PGCKA1: variants seen among roughly 807,000 people sequenced by gnomAD.
PGCKA1 encodes PDCD10 and GCKIII kinases associated 1, also known as PDCD10 and GCKIII kinases-associated protein 1.
chr4:37,456,538 A>C, the PGCKA1 span, among the ~76,000 whole-genome samples: 4 of 152,246 alleles, frequency 2.6e-5, no homozygotes, highest in Non-Finnish European at 5.9e-5. Flanking sequence ...AACAAATGAC[A>C]AAAGGAATAT....
the PGCKA1 span, among the ~76,000 whole-genome samples, chr4:37,548,389 A>C: frequency 1.3e-5 from 2 of 152,190 alleles, no homozygotes; most frequent in Non-Finnish European, 2.9e-5. Flanking sequence ...CAAGTTTTAA[A>C]ATGTTAATTG....
the PGCKA1 span, among the ~76,000 whole-genome samples, chr4:37,500,683 T>C: frequency 6.6e-6 from 1 of 152,242 alleles, no homozygotes; most frequent in Admixed American, 6.5e-5. Context: ...TTGTTAATTT[T>C]CTGCCTTGAT....
the PGCKA1 span, among the ~76,000 whole-genome samples, chr4:37,536,964 C>T: frequency 6.6e-6 from 1 of 152,156 alleles, no homozygotes; most frequent in Non-Finnish European, 1.5e-5. Context: ...CATGGCTGGC[C>T]AGCTTTGGGG....
the PGCKA1 span, among the ~76,000 whole-genome samples, chr4:37,537,998 G>A: frequency 2.6e-5 from 4 of 151,818 alleles, no homozygotes; most frequent in Admixed American, 1.3e-4. Context: ...CATCTTCACC[G>A]TCATCACCAT....
the PGCKA1 span, among the ~76,000 whole-genome samples, chr4:37,509,489 G>A: frequency 0.5 from 71,152 of 141,872 alleles, 18,383 homozygotes; most frequent in African/African-American, 0.59. Flanking sequence ...GATGGCAGCC[G>A]GGAAGAGGCG....
At chr4:37,583,564 G>C in the PGCKA1 span, among the ~76,000 whole-genome samples, 1 of 152,074 alleles carries the variant, frequency 6.6e-6, no homozygotes, top group African/African-American at 2.4e-5. Flanking sequence ...AGCCTCCCGA[G>C]TAGCTGGGAC....
At chr4:37,495,907 GTTGT>G in the PGCKA1 span, among the ~76,000 whole-genome samples, 1 of 152,090 alleles carries the variant, frequency 6.6e-6, no homozygotes, top group Admixed American at 6.6e-5. Flanking sequence ...TTTTAATGGG[GTTGT>G]TTATTTTTCT....
At chr4:37,465,110 C>T in the PGCKA1 span, among the ~76,000 whole-genome samples, 6 of 152,078 alleles carry the variant, frequency 3.9e-5, no homozygotes, top group African/African-American at 1.4e-4. Flanking sequence ...CGTGGCCTCA[C>T]TTTTCATATT....
At chr4:37,541,252 T>C in the PGCKA1 span, among the ~76,000 whole-genome samples, 1 of 152,016 alleles carries the variant, frequency 6.6e-6, no homozygotes, top group Non-Finnish European at 1.5e-5. Flanking sequence ...CCACAAACCT[T>C]CCCTTCCTCC....
chr4:37,525,054 A>G, the PGCKA1 span, among the ~76,000 whole-genome samples: 2 of 152,222 alleles, frequency 1.3e-5, no homozygotes, highest in African/African-American at 4.8e-5. Context: ...CTAAAACTGA[A>G]AATTAGAGAC....
At chr4:37,541,879 A>G in the PGCKA1 span, among the ~76,000 whole-genome samples, 1 of 152,304 alleles carries the variant, frequency 6.6e-6, no homozygotes, top group African/African-American at 2.4e-5. Flanking sequence ...GGGCCTACAT[A>G]CAGAGGAGAG....
At chr4:37,575,726 T>C in the PGCKA1 span, among the ~76,000 whole-genome samples, 2 of 152,128 alleles carry the variant, frequency 1.3e-5, no homozygotes, top group African/African-American at 4.8e-5. Context: ...AGTTTCATAG[T>C]GTGAGGTCTT....
At chr4:37,536,896 A>T in the PGCKA1 span, among the ~76,000 whole-genome samples, 1 of 152,248 alleles carries the variant, frequency 6.6e-6, no homozygotes, top group Non-Finnish European at 1.5e-5. Flanking sequence ...AGGGGACGAC[A>T]ACTTAACTGA....
chr4:37,528,178 G>T, the PGCKA1 span, among the ~76,000 whole-genome samples: 1 of 152,280 alleles, frequency 6.6e-6, no homozygotes, highest in African/African-American at 2.4e-5. Flanking sequence ...TTTTTATTCT[G>T]AGTACTGCTT....
chr4:37,534,263 C>T, the PGCKA1 span, among the ~76,000 whole-genome samples: 1 of 152,144 alleles, frequency 6.6e-6, no homozygotes, highest in Non-Finnish European at 1.5e-5. Context: ...ATCATGAAGC[C>T]CAGGAATGTG....
the PGCKA1 span, among the ~76,000 whole-genome samples, chr4:37,505,930 T>C: frequency 7.3e-4 from 112 of 152,382 alleles, 1 homozygote; most frequent in Middle Eastern, 3.4e-3. Context: ...ATTTCTGCCC[T>C]GGGATACTTT....
At chr4:37,575,635 G>A in the PGCKA1 span, among the ~76,000 whole-genome samples, 2 of 152,034 alleles carry the variant, frequency 1.3e-5, no homozygotes, top group South Asian at 4.2e-4. Flanking sequence ...GTTGCTTTGG[G>A]TGCCTTTGTT....
the PGCKA1 span, among the ~76,000 whole-genome samples, chr4:37,569,677 TTTG>T: frequency 6.6e-6 from 1 of 152,340 alleles, no homozygotes; most frequent in African/African-American, 2.4e-5. Flanking sequence ...TGTTAATAAG[TTTG>T]TTATGAGAAA....
the PGCKA1 span, among the ~76,000 whole-genome samples, chr4:37,568,307 G>A: frequency 4.6e-5 from 7 of 152,284 alleles, no homozygotes; most frequent in East Asian, 1.4e-3. Flanking sequence ...TTTTTACATA[G>A]TTTTCTTTAA....
Sources: gnomAD v4.1 joint callset for allele counts (sites outside exome capture counted in the v4.1 genomes callset) on GRCh38, gnomAD v4.1.1 for gene constraint, MANE v1.5 for transcripts, NCBI Gene and HGNC (gene_info 2026-07-23, HGNC 2026-07-21) for gene names.